Variants in SLCO3A1 observed in about 807,000 individuals in gnomAD.
The protein encoded by SLCO3A1 is PGE1 transporter.
Under a neutral mutation model 63.1 loss-of-function variants are expected in SLCO3A1, and 27 were observed. The observed-to-expected ratio is 0.43, with a 90% CI of 0.32 to 0.59. The LOEUF (loss-of-function observed/expected upper bound fraction) is 0.59, where lower values mean the gene tolerates loss of function less well. Among genes scored for constraint, SLCO3A1 ranks in the 20% least tolerant of loss-of-function variants. SLCO3A1 has a pLI of 0.09. For missense variants in SLCO3A1, 773 were observed against 945.8 expected, an observed-to-expected ratio of 0.82 and a Z score of 2.40; for synonymous variants, 473 against 409.9, an observed-to-expected ratio of 1.15 and a Z score of -1.86.
At chr15:91,943,089 A>G (rs141781944) in intron 2 of SLCO3A1, among the ~76,000 whole-genome samples, 447 of 152,372 alleles carry the variant, frequency 2.9e-3, no homozygotes, top group South Asian at 0.017. Context: ...ATAGAAATTG[A>G]TGGTAAAAGA....
downstream of SLCO3A1, among the ~76,000 whole-genome samples, chr15:92,166,065 G>A (rs1169101388): frequency 6.6e-6 from 1 of 152,098 alleles, no homozygotes; most frequent in Admixed American, 6.6e-5. Flanking sequence ...GTTTTGTTTT[G>A]TTTTGTTTTT....
At chr15:91,898,032 C>T (rs991113267) in intron 1 of SLCO3A1, among the ~76,000 whole-genome samples, 3 of 152,152 alleles carry the variant, frequency 2.0e-5, no homozygotes, top group Admixed American at 6.5e-5. Context: ...GTGCCTCTCT[C>T]GACACGGTTT....
chr15:91,930,090 A>T (rs887437137), intron 2 of SLCO3A1, among the ~76,000 whole-genome samples: 2 of 152,010 alleles, frequency 1.3e-5, no homozygotes, highest in African/African-American at 4.8e-5. Context: ...TCCATAATTC[A>T]TCTCTTTAAT....
At chr15:91,867,981 C>T (rs1897206062) in intron 1 of SLCO3A1, among the ~76,000 whole-genome samples, 1 of 152,180 alleles carries the variant, frequency 6.6e-6, no homozygotes, top group Non-Finnish European at 1.5e-5. Context: ...TGTGAGCATC[C>T]TATGTCTGTG....
chr15:91,965,058 A>T (rs1447612095), intron 2 of SLCO3A1, among the ~76,000 whole-genome samples: 1 of 152,150 alleles, frequency 6.6e-6, no homozygotes, highest in African/African-American at 2.4e-5. Flanking sequence ...CTCCCCCATG[A>T]CAGCAAACAT....
chr15:92,065,239 C>T (rs990154270), intron 2 of SLCO3A1, among the ~76,000 whole-genome samples: 6 of 152,100 alleles, frequency 3.9e-5, no homozygotes, highest in East Asian at 1.9e-4. Context: ...TGTGCCATCA[C>T]GCCAGGCTAA....
In SLCO3A1 at chr15:92,095,222, T is replaced by C. The variant is rs190115579; in HGVS notation, c.745+243T>C. 6.3e-4 allele frequency among the ~76,000 whole-genome samples: 96 copies of C among 152,382 alleles called. No homozygotes were observed. In the Middle Eastern group the frequency reaches 0.01, roughly 16 times the overall value. On this transcript the variant is annotated intron_variant, in intron 3 of 9. Transcript: ENST00000318445. ...CTGAATAACCCCCAATAGCTGATTT[T>C]ACTCCTCAAATCTGTATTTTCCTTA...
At chr15:92,166,993 G>C (rs1030265110), downstream of SLCO3A1, among the ~76,000 whole-genome samples, 2 of 152,232 alleles carry the variant, frequency 1.3e-5, no homozygotes, top group African/African-American at 4.8e-5. Flanking sequence ...AGTGCATAGA[G>C]GTCAATGCAT....
chr15:92,048,587 G>C (rs1361207764), intron 2 of SLCO3A1, among the ~76,000 whole-genome samples: 5 of 152,134 alleles, frequency 3.3e-5, no homozygotes, highest in Admixed American at 6.5e-5. Context: ...CACCAAAAAT[G>C]TCTCCAGATA....
chr15:91,964,130 G>A (rs940874994), intron 2 of SLCO3A1, among the ~76,000 whole-genome samples: 2 of 152,110 alleles, frequency 1.3e-5, no homozygotes, highest in African/African-American at 4.8e-5. Context: ...GTATGGGTGG[G>A]GAACCTACTT....
At chr15:91,951,717 G>T (rs1216422057) in intron 2 of SLCO3A1, among the ~76,000 whole-genome samples, 1 of 151,976 alleles carries the variant, frequency 6.6e-6, no homozygotes, top group African/African-American at 2.4e-5. Context: ...ACCACGCCTG[G>T]CTTATTTTTG....
chr15:91,987,208 G>T (rs190766473), intron 2 of SLCO3A1, among the ~76,000 whole-genome samples: 2 of 152,180 alleles, frequency 1.3e-5, no homozygotes, highest in African/African-American at 2.4e-5. Flanking sequence ...AGTTCTTTGC[G>T]TTGTGTCGGT....
In SLCO3A1 at chr15:92,047,538, TATATA is replaced by T. The variant is rs1240988023; in HGVS notation, c.647-47337_647-47333del. ...AAATACATAAATAAATATATAAATA[TATATA>T]ATATATAAATATATAAATATATATA... On this transcript the variant is annotated intron_variant, in intron 2 of 9. Coordinates refer to ENST00000318445, the MANE Select transcript of SLCO3A1 (RefSeq NM_013272.4). 8.7e-5 allele frequency among the ~76,000 whole-genome samples: 2 copies of T among 23,062 alleles called. 1 individual carries two copies. Among genetic ancestry groups the T allele is most frequent in the African/African-American group, 4.9e-4 (2 of 4,056 alleles). 15.1% of individuals were successfully genotyped at this position (23,062 alleles called of 152,430 possible).
Position 92,101,830 on chromosome 15 carries a change from T to C in SLCO3A1, c.746-2449T>C, listed in dbSNP as rs115403338. Among the ~76,000 whole-genome samples the C allele has an allele frequency of 9.7e-3, 1,479 of 152,240 alleles. 21 individuals are homozygous for C. Among genetic ancestry groups the C allele is most frequent in the African/African-American group, 0.034 (1,418 of 41,528 alleles). ...TACTTGCCCGGGTGGCAGGCGGGCT[T>C]TGGTTCTGACACAGGTGACGTGCCC... On this transcript the variant is annotated intron_variant, in intron 3 of 9. Coordinates refer to ENST00000318445, the MANE Select transcript of SLCO3A1 (RefSeq NM_013272.4).
chr15:92,084,463 A>G (rs889147587), intron 2 of SLCO3A1, among the ~76,000 whole-genome samples: 1 of 152,186 alleles, frequency 6.6e-6, no homozygotes, highest in Non-Finnish European at 1.5e-5. Context: ...GAGCATTTGT[A>G]CCATGCTCAC....
intron 4 of SLCO3A1, among the ~76,000 whole-genome samples, chr15:92,117,323 G>A (rs2047807186): frequency 1.3e-5 from 2 of 152,158 alleles, no homozygotes; most frequent in African/African-American, 2.4e-5. Flanking sequence ...CCTCAGCCCG[G>A]CAGCAGTTTT....
rs183485124 is a variant in SLCO3A1, at chr15:92,064,238, T to C, written c.647-30643T>C. On this transcript the variant is annotated intron_variant, in intron 2 of 9. Transcript: ENST00000318445. Reference sequence around the variant, plus strand: ...CTGAACCTTCCCAGAGCGTAAGAGGTAGTTGGGAAATGTTTTTCAGATCTT... The same window carrying C: ...CTGAACCTTCCCAGAGCGTAAGAGGCAGTTGGGAAATGTTTTTCAGATCTT... Among the ~76,000 whole-genome samples, 26 of 152,280 alleles carry C rather than the reference T, an allele frequency of 1.7e-4. 1 individual carries two copies. The highest frequency in any genetic ancestry group is 2.9e-4 in the Non-Finnish European group (20 of 68,016).
At chr15:91,874,841 G>A (rs574622223) in intron 1 of SLCO3A1, among the ~76,000 whole-genome samples, 109 of 152,250 alleles carry the variant, frequency 7.2e-4, no homozygotes, top group African/African-American at 2.3e-3. Flanking sequence ...TTATTTCCTC[G>A]TGGTTTCATT....
At chr15:91,933,113 T>C (rs997041284) in intron 2 of SLCO3A1, among the ~76,000 whole-genome samples, 16 of 152,208 alleles carry the variant, frequency 1.1e-4, no homozygotes, top group African/African-American at 3.9e-4. Flanking sequence ...GATTTTTTTT[T>C]CGGTTATTTT....
Sources: allele counts gnomAD v4.1 joint callset (sites outside exome capture counted in the v4.1 genomes callset), GRCh38; gene constraint gnomAD v4.1.1; transcripts MANE v1.5; gene names NCBI Gene and HGNC (gene_info 2026-07-23, HGNC 2026-07-21).